The following ELMO1 variants were observed in gnomAD, a reference collection of about 807,000 sequenced individuals.
ELMO1 encodes engulfment and cell motility protein 1.
ELMO1 carries 26 observed loss-of-function variants against 98.9 expected under a neutral mutation model. The ratio of observed to expected loss-of-function variants is 0.26; its 90% CI spans 0.19 to 0.36. The LOEUF (loss-of-function observed/expected upper bound fraction) is 0.36. Ranked by LOEUF, ELMO1 falls within the 10% of genes least tolerant of loss-of-function variation. The pLI, the probability that ELMO1 is intolerant of heterozygous loss-of-function variation, is 1.00. For missense variants in ELMO1, 627 were observed against 935.2 expected, an observed-to-expected ratio of 0.67 and a Z score of 4.30; for synonymous variants, 346 against 346.0, an observed-to-expected ratio of 1.00 and a Z score of 0.00.
chr7:37,162,162 T>C (rs1444663758), intron 13 of ELMO1, among the ~76,000 whole-genome samples: 2 of 151,544 alleles, frequency 1.3e-5, no homozygotes, highest in Non-Finnish European at 2.9e-5. Flanking sequence ...GACCCAACCT[T>C]GCGTTTCTGG....
intron 5 of ELMO1, 127 bp from the exon 6 acceptor site, chr7:37,259,477 T>C (rs946205731): frequency 2.5e-5 from 26 of 1,046,334 alleles, no homozygotes; most frequent in Non-Finnish European, 5.5e-6. Context: ...TATTACAGAG[T>C]GGGCATCTCA....
At chr7:37,380,657 G>A (rs1009855358) in intron 1 of ELMO1, among the ~76,000 whole-genome samples, 4 of 152,156 alleles carry the variant, frequency 2.6e-5, no homozygotes, top group Non-Finnish European at 4.4e-5. Context: ...CTAAATGATC[G>A]CTCCTGAAGG....
intron 1 of ELMO1, among the ~76,000 whole-genome samples, chr7:37,382,140 C>T (rs1398789268): frequency 6.6e-6 from 1 of 152,098 alleles, no homozygotes; most frequent in African/African-American, 2.4e-5. Context: ...GAAACACTTG[C>T]CTTACCTTTA....
At chr7:37,135,936 C>T (rs552334158) in intron 13 of ELMO1, among the ~76,000 whole-genome samples, 22 of 152,066 alleles carry the variant, frequency 1.4e-4, no homozygotes, top group African/African-American at 4.3e-4. Context: ...CTCAAGGAGG[C>T]GGCAGAGAAA....
intron 16 of ELMO1, among the ~76,000 whole-genome samples, chr7:36,957,572 G>A (rs1289163221): frequency 7.4e-6 from 1 of 134,766 alleles, no homozygotes; most frequent in Non-Finnish European, 1.5e-5. Context: ...CAACCCAAAG[G>A]TCTTGTCCTT....
intron 14 of ELMO1, among the ~76,000 whole-genome samples, chr7:37,100,371 GCT>G (rs1176032039): frequency 6.6e-6 from 1 of 152,170 alleles, no homozygotes; most frequent in African/African-American, 2.4e-5. Flanking sequence ...TCCTCTGAAT[GCT>G]CTGTGTTTCT....
At chr7:37,136,552 G>T (rs2129303291) in intron 13 of ELMO1, among the ~76,000 whole-genome samples, 1 of 152,222 alleles carries the variant, frequency 6.6e-6, no homozygotes, top group South Asian at 2.1e-4. Context: ...AAGCTAGAAG[G>T]GACTGAGGTC....
At chr7:36,922,615 A>G (rs1057014311) in intron 16 of ELMO1, among the ~76,000 whole-genome samples, 1 of 152,060 alleles carries the variant, frequency 6.6e-6, no homozygotes, top group Non-Finnish European at 1.5e-5. Context: ...TAAGACAAAG[A>G]AAAAAAATGA....
At chr7:37,314,707 T>C in intron 4 of ELMO1, 143 bp downstream of exon 4, 3 of 630,830 alleles carry the variant, frequency 4.8e-6, no homozygotes, top group Non-Finnish European at 8.0e-6. Context: ...AAAGTAGCAG[T>C]TGTTTGCTTT....
intron 2 of ELMO1, among the ~76,000 whole-genome samples, chr7:37,331,464 G>A (rs1219684496): frequency 6.6e-6 from 1 of 150,666 alleles, no homozygotes; most frequent in Non-Finnish European, 1.5e-5. Context: ...TTACAGGTGT[G>A]AGCCACCACG....
intron 16 of ELMO1, among the ~76,000 whole-genome samples, chr7:36,965,969 G>A (rs1427921942): frequency 2.0e-5 from 3 of 152,220 alleles, no homozygotes; most frequent in African/African-American, 7.2e-5. Flanking sequence ...CTTACCAAAT[G>A]CCTTCAAAGA....
chr7:36,984,064 A>G (rs537037065), intron 16 of ELMO1, among the ~76,000 whole-genome samples: 2 of 152,076 alleles, frequency 1.3e-5, no homozygotes, highest in Admixed American at 6.5e-5. Context: ...GCTCATGTAA[A>G]GTGACACTAG....
chr7:37,418,601 G>A (rs1329369609), intron 1 of ELMO1, among the ~76,000 whole-genome samples: 1 of 152,206 alleles, frequency 6.6e-6, no homozygotes, highest in Non-Finnish European at 1.5e-5. Context: ...TGCTGTGCCA[G>A]TGCAACTCTG....
chr7:36,993,989 C>CA (rs1452076760), intron 16 of ELMO1, among the ~76,000 whole-genome samples: 1 of 152,162 alleles, frequency 6.6e-6, no homozygotes, highest in African/African-American at 2.4e-5. Context: ...CTATTCTGAA[C>CA]ATACACTGAG....
intron 19 of ELMO1, among the ~76,000 whole-genome samples, chr7:36,874,876 A>G (rs1319902894): frequency 6.6e-6 from 1 of 152,242 alleles, no homozygotes; most frequent in Non-Finnish European, 1.5e-5. Flanking sequence ...AAATTTCCTG[A>G]CAAAGAAAAG....
chr7:37,310,023 G>T (rs142657191), intron 4 of ELMO1, among the ~76,000 whole-genome samples: 59 of 152,300 alleles, frequency 3.9e-4, no homozygotes, highest in African/African-American at 1.4e-3. Flanking sequence ...GGCTGCCAGG[G>T]ATTCTGGGAG....
chr7:37,159,272 G>A (rs901464118), intron 13 of ELMO1, among the ~76,000 whole-genome samples: 1 of 152,234 alleles, frequency 6.6e-6, no homozygotes, highest in Non-Finnish European at 1.5e-5. Flanking sequence ...TGCACATTGT[G>A]CACATGTACC....
chr7:37,118,162 C>T (rs1399663706), intron 14 of ELMO1, among the ~76,000 whole-genome samples: 1 of 152,184 alleles, frequency 6.6e-6, no homozygotes, highest in Non-Finnish European at 1.5e-5. Flanking sequence ...TTAGAAGTCC[C>T]TTAGTTTATT....
chr7:37,159,693 T>A (rs1403955217), intron 13 of ELMO1, among the ~76,000 whole-genome samples: 1 of 151,750 alleles, frequency 6.6e-6, no homozygotes, highest in African/African-American at 2.4e-5. Flanking sequence ...AGCGAGACTC[T>A]GTCTCAAAAA....
Sources: gnomAD v4.1 joint callset for allele counts (sites outside exome capture counted in the v4.1 genomes callset) on GRCh38, gnomAD v4.1.1 for gene constraint, MANE v1.5 for transcripts, NCBI Gene and HGNC (gene_info 2026-07-23, HGNC 2026-07-21) for gene names.